BBX: variants seen among roughly 807,000 people sequenced by gnomAD.
BBX encodes BBX high mobility group box domain containing, also known as HMG box transcription factor BBX.
Under a neutral mutation model 100.2 loss-of-function variants are expected in BBX, and 30 were observed. The ratio of observed to expected loss-of-function variants is 0.30; its 90% CI spans 0.22 to 0.41. The LOEUF (loss-of-function observed/expected upper bound fraction) is 0.41, where lower values mean the gene tolerates loss of function less well. Ranked by LOEUF, BBX falls within the 10% of genes least tolerant of loss-of-function variation. BBX has a pLI of 1.00. For missense variants in BBX, 1,023 were observed against 1,129.8 expected (o/e 0.91, Z 1.35); for synonymous variants, 376 against 388.1 (o/e 0.97, Z 0.37).
intron 9 of BBX, among the ~76,000 whole-genome samples, chr3:107,751,007 G>A (rs1170191099): frequency 6.6e-6 from 1 of 152,150 alleles, no homozygotes; most frequent in Non-Finnish European, 1.5e-5. Context: ...TCTGGTGTTG[G>A]GCCTGAGAAT....
At chr3:107,792,431 C>T (rs1054795285) in intron 15 of BBX, among the ~76,000 whole-genome samples, 4 of 152,118 alleles carry the variant, frequency 2.6e-5, no homozygotes, top group Non-Finnish European at 5.9e-5. Context: ...GCACAATTGA[C>T]GTAAGTCACT....
intron 6 of BBX, among the ~76,000 whole-genome samples, chr3:107,731,363 A>C (rs2063305587): frequency 6.6e-6 from 1 of 152,198 alleles, no homozygotes; most frequent in African/African-American, 2.4e-5. Flanking sequence ...GACAGCTGCA[A>C]AAGTATTTCT....
chr3:107,738,296 A>T (rs1391527516), intron 7 of BBX, among the ~76,000 whole-genome samples: 2 of 152,060 alleles, frequency 1.3e-5, no homozygotes, highest in East Asian at 1.9e-4. Context: ...TTATTGTATT[A>T]TATGTAAGTA....
At chr3:107,605,201 G>T (rs961762341) in intron 2 of BBX, among the ~76,000 whole-genome samples, 2 of 152,126 alleles carry the variant, frequency 1.3e-5, no homozygotes, top group Admixed American at 6.5e-5. Context: ...AAATGAGCAG[G>T]TGATTTGTGT....
At chr3:107,756,796 A>G (rs2065512250) in intron 10 of BBX, among the ~76,000 whole-genome samples, 1 of 152,164 alleles carries the variant, frequency 6.6e-6, no homozygotes, top group Admixed American at 6.5e-5. Context: ...GGAAAACTCT[A>G]AGGAAAACTA....
chr3:107,535,578 G>A (rs1020715806), intron 2 of BBX, among the ~76,000 whole-genome samples: 16 of 146,596 alleles, frequency 1.1e-4, no homozygotes, highest in Admixed American at 8.2e-4. Flanking sequence ...ATTCTATATC[G>A]TTTGTGCTCT....
intron 2 of BBX, among the ~76,000 whole-genome samples, chr3:107,643,607 C>T (rs953751183): frequency 2.0e-5 from 3 of 151,894 alleles, no homozygotes; most frequent in African/African-American, 4.8e-5. Context: ...TCTGCCCAGG[C>T]GTTGGTCTCA....
intron 5 of BBX, among the ~76,000 whole-genome samples, chr3:107,720,847 G>T (rs544255901): frequency 5.9e-5 from 9 of 152,034 alleles, no homozygotes; most frequent in Non-Finnish European, 1.0e-4. Context: ...GATAATTTTT[G>T]TAAAGACCAT....
intron 2 of BBX, among the ~76,000 whole-genome samples, chr3:107,537,616 G>C (rs1265279315): frequency 6.6e-6 from 1 of 152,188 alleles, no homozygotes; most frequent in African/African-American, 2.4e-5. Flanking sequence ...GTTTTCTCTT[G>C]TGGTTTAGTA....
chr3:107,629,279 ACTT>A (rs2107720269), intron 2 of BBX, among the ~76,000 whole-genome samples: 2 of 152,346 alleles, frequency 1.3e-5, no homozygotes, highest in East Asian at 3.9e-4. Context: ...AAAGCAAACA[ACTT>A]CCTTACAATT....
intron 3 of BBX, among the ~76,000 whole-genome samples, chr3:107,686,431 G>GA (rs2059851815): frequency 6.9e-6 from 1 of 144,664 alleles, no homozygotes. Context: ...CTTGTTTTTT[G>GA]TTTTTTTTTT....
chr3:107,684,216 A>G (rs1175897256), intron 3 of BBX, among the ~76,000 whole-genome samples: 1 of 152,210 alleles, frequency 6.6e-6, no homozygotes, highest in African/African-American at 2.4e-5. Context: ...AACATGAACC[A>G]TGGAGATGAC....
At chr3:107,548,831 C>T (rs1317382190) in intron 2 of BBX, among the ~76,000 whole-genome samples, 1 of 152,188 alleles carries the variant, frequency 6.6e-6, no homozygotes, top group Non-Finnish European at 1.5e-5. Context: ...AAAATCATGT[C>T]CTTTGCAGCA....
intron 3 of BBX, among the ~76,000 whole-genome samples, chr3:107,705,204 T>C (rs953097299): frequency 1.3e-4 from 20 of 152,170 alleles, no homozygotes; most frequent in African/African-American, 4.8e-4. Flanking sequence ...GTAGTCTTAA[T>C]TGGACCCAGA....
At chr3:107,788,598 A>C (rs1442552212) in intron 13 of BBX, among the ~76,000 whole-genome samples, 5 of 151,908 alleles carry the variant, frequency 3.3e-5, no homozygotes. Context: ...GTGAAACCCC[A>C]ACTTTACAAA....
At chr3:107,614,045 G>A (rs2055062402) in intron 2 of BBX, among the ~76,000 whole-genome samples, 1 of 143,630 alleles carries the variant, frequency 7.0e-6, no homozygotes, top group Admixed American at 7.7e-5. Context: ...TCCGCCTCCT[G>A]GGTTCAAGCG....
intron 3 of BBX, among the ~76,000 whole-genome samples, chr3:107,676,983 ATTT>A (rs145166053): frequency 2.8e-4 from 43 of 152,048 alleles, no homozygotes; most frequent in Non-Finnish European, 5.7e-4. Flanking sequence ...ACAGGTTTTT[ATTT>A]TTTTCTCTGA....
At chr3:107,537,926 A>C (rs997690626) in intron 2 of BBX, among the ~76,000 whole-genome samples, 8 of 152,236 alleles carry the variant, frequency 5.3e-5, no homozygotes, top group Admixed American at 3.3e-4. Context: ...GAATTTGTTC[A>C]AAGCTCACAT....
chr3:107,565,443 T>TTTTATTTATTTATTTA (rs80145598), intron 2 of BBX, among the ~76,000 whole-genome samples: 189 of 136,980 alleles, frequency 1.4e-3, no homozygotes, highest in South Asian at 2.6e-3. Flanking sequence ...AATAGTTTTA[T>TTTTATTTATTTATTTA]TTTATTTATT....
Sources: gnomAD v4.1 joint callset for allele counts (sites outside exome capture counted in the v4.1 genomes callset) on GRCh38, gnomAD v4.1.1 for gene constraint, MANE v1.5 for transcripts, NCBI Gene and HGNC (gene_info 2026-07-23, HGNC 2026-07-21) for gene names.